Variants in XXYLT1 observed in about 807,000 individuals in gnomAD.
XXYLT1 encodes the protein UDP-xylose:alpha-xyloside alpha-1,3-xylosyltransferase.
In XXYLT1, 20 loss-of-function variants were observed where a neutral mutation model predicts 28.9. The observed-to-expected ratio is 0.69, with a 90% confidence interval of 0.49 to 1.00. The LOEUF (loss-of-function observed/expected upper bound fraction) is 1.00. XXYLT1 is among the 50% of genes least tolerant of loss of function. XXYLT1 has a pLI of 0.00. For missense variants in XXYLT1, 542 were observed against 560.1 expected, an observed-to-expected ratio of 0.97 and a Z score of 0.33; for synonymous variants, 257 against 253.8, an observed-to-expected ratio of 1.01 and a Z score of -0.12.
intron 3 of XXYLT1, among the ~76,000 whole-genome samples, chr3:195,109,456 CGTGT>C (rs1392318010): frequency 2.0e-5 from 3 of 147,190 alleles, no homozygotes; most frequent in African/African-American, 7.6e-5. Flanking sequence ...TATATGTGTG[CGTGT>C]ATGTGGTATA....
At position 195,139,725 on chromosome 3, in the gene XXYLT1, A is replaced by G. The variant is rs549120003; in HGVS notation, c.785+16724T>C. On this transcript the variant is annotated intron_variant, in intron 3 of 3. Coordinates refer to ENST00000310380, the MANE Select transcript of XXYLT1 (RefSeq NM_152531.5). ...CCATGACTGAGGCCAAGCCCACATG[A>G]ATCTCCTAAGTTTATCTTGGGTAAT... is the stretch of plus-strand genomic sequence containing the variant. Among the ~76,000 whole-genome samples the G allele has an allele frequency of 2.8e-4, 42 of 152,318 alleles. 1 individual carries two copies. In the Middle Eastern group the frequency reaches 0.01, roughly 37 times the overall value.
In XXYLT1 at chr3:195,133,686, C is replaced by T. The variant is rs574265729; in HGVS notation, c.785+22763G>A. On this transcript the variant is annotated intron_variant, in intron 3 of 3. Transcript: ENST00000310380. This position sits in a 1 kb window ranked among gnomAD's most constrained non-coding sequence, Gnocchi z 4.4. ...TGCCATGCAGCATTGTATACAGTCA[C>T]GCACCACGTGACGACGTTGCAGTCA... Among the ~76,000 whole-genome samples, 16 of 152,248 alleles carry T rather than the reference C, an allele frequency of 1.1e-4. 1 individual carries two copies. The South Asian group carries it at 2.9e-3, about 28-fold the overall frequency.
intron 2 of XXYLT1, among the ~76,000 whole-genome samples, chr3:195,166,219 G>T (rs1721111782): frequency 6.6e-6 from 1 of 151,230 alleles, no homozygotes; most frequent in Admixed American, 6.6e-5. Flanking sequence ...TTACCAAACT[G>T]CACTTCAGCA....
At chr3:195,110,222 TGTATA>T in intron 3 of XXYLT1, among the ~76,000 whole-genome samples, 2 of 43,098 alleles carry the variant, frequency 4.6e-5, no homozygotes, top group African/African-American at 6.8e-5. Flanking sequence ...GCGTGTGTGG[TGTATA>T]AGTGTGTGGT....
chr3:195,203,115 C>T (rs1386061781), intron 2 of XXYLT1, among the ~76,000 whole-genome samples: 1 of 151,544 alleles, frequency 6.6e-6, no homozygotes, highest in Non-Finnish European at 1.5e-5. Context: ...GCCCACAACA[C>T]AAATTTTTTA....
chr3:195,154,500 T>C (rs576805507), intron 3 of XXYLT1, among the ~76,000 whole-genome samples: 3 of 152,246 alleles, frequency 2.0e-5, no homozygotes, highest in Admixed American at 6.5e-5. Flanking sequence ...GGGGAAATGC[T>C]CTTTAATGAG....
At chr3:195,167,826 C>T (rs1022817104) in intron 2 of XXYLT1, among the ~76,000 whole-genome samples, 13 of 152,156 alleles carry the variant, frequency 8.5e-5, no homozygotes, top group Admixed American at 8.5e-4. Context: ...GGCAGGGGAA[C>T]TGGACAAGGC....
At chr3:195,219,900 C>T (rs1170904992) in intron 2 of XXYLT1, among the ~76,000 whole-genome samples, 1 of 152,198 alleles carries the variant, frequency 6.6e-6, no homozygotes, top group Non-Finnish European at 1.5e-5. Context: ...CACTAGGCTT[C>T]AAGAGATTCG....
At chr3:195,113,909 G>A (rs922643907) in intron 3 of XXYLT1, among the ~76,000 whole-genome samples, 4 of 152,178 alleles carry the variant, frequency 2.6e-5, no homozygotes, top group African/African-American at 9.7e-5. Context: ...GAATGACAGA[G>A]AGGATTTCTC....
chr3:195,208,371 G>A (rs1298380331), intron 2 of XXYLT1, among the ~76,000 whole-genome samples: 1 of 152,100 alleles, frequency 6.6e-6, no homozygotes, highest in Admixed American at 6.5e-5. Flanking sequence ...ATCTGAGAGT[G>A]GCAGTCAGCC....
intron 3 of XXYLT1, among the ~76,000 whole-genome samples, chr3:195,118,144 C>T (rs148741891): frequency 3.9e-5 from 6 of 152,328 alleles, no homozygotes; most frequent in African/African-American, 9.6e-5. Flanking sequence ...GTCCTGCCAC[C>T]GGTGCTGAGC....
chr3:195,119,701 C>A (rs1198796587), intron 3 of XXYLT1, among the ~76,000 whole-genome samples: 5 of 152,152 alleles, frequency 3.3e-5, no homozygotes, highest in African/African-American at 9.7e-5. Flanking sequence ...CCTCACTCCG[C>A]AGAACAATGC....
intron 3 of XXYLT1, among the ~76,000 whole-genome samples, chr3:195,138,221 G>A (rs1300695184): frequency 6.6e-6 from 1 of 152,168 alleles, no homozygotes; most frequent in Non-Finnish European, 1.5e-5. Flanking sequence ...AGTTCCCTCC[G>A]CTTCATGCCA....
In XXYLT1 at chr3:195,150,133, G is replaced by A. The variant is rs931588757; in HGVS notation, c.785+6316C>T. On this transcript the variant is annotated intron_variant, in intron 3 of 3. Transcript: ENST00000310380. The surrounding 1 kb of genome is among the most constrained non-coding windows in gnomAD (Gnocchi z 4.7). Reference sequence around the variant, plus strand: ...ACTTATCAGTGGCCAAGCTGGGACTGTGGATAACGCTGCCACCACCACCCA... The same window carrying A: ...ACTTATCAGTGGCCAAGCTGGGACTATGGATAACGCTGCCACCACCACCCA... 6.6e-6 allele frequency among the ~76,000 whole-genome samples: 1 copy of A among 151,884 alleles called. No individual in the cohort carries two copies. The highest frequency in any genetic ancestry group is 1.5e-5 in the Non-Finnish European group (1 of 68,008).
At position 195,270,308 on chromosome 3, in the gene XXYLT1, G is replaced by C. The variant is rs748758387; in HGVS notation, c.504+247C>G. 43 of 905,854 alleles carry C rather than the reference G, an allele frequency of 4.7e-5. No individual in the cohort carries two copies. In the East Asian group the frequency reaches 1.2e-3, roughly 26 times the overall value. 56.1% of individuals were successfully genotyped at this position (905,854 alleles called of 1,614,324 possible). Reference sequence around the variant, plus strand: ...ACTCTCCTGGGGGCTGCGCTTAACTGGGGGAGAGGAAAACGAGGCGGTCAT... The same window carrying C: ...ACTCTCCTGGGGGCTGCGCTTAACTCGGGGAGAGGAAAACGAGGCGGTCAT... On this transcript the variant is annotated intron_variant, in intron 1 of 3. Transcript: ENST00000310380.
intron 3 of XXYLT1, among the ~76,000 whole-genome samples, chr3:195,090,231 T>C (rs1433572975): frequency 1.3e-5 from 2 of 151,728 alleles, no homozygotes; most frequent in Non-Finnish European, 2.9e-5. Context: ...TACATTTTTT[T>C]CAGCACCACA....
intron 2 of XXYLT1, among the ~76,000 whole-genome samples, chr3:195,203,370 T>C (rs1463738744): frequency 6.6e-6 from 1 of 152,176 alleles, no homozygotes; most frequent in Non-Finnish European, 1.5e-5. Context: ...TAATATTCTA[T>C]AATGATATAT....
intron 1 of XXYLT1, chr3:195,259,650 C>T: frequency 1.0e-6 from 1 of 985,460 alleles, no homozygotes; most frequent in Non-Finnish European, 1.2e-6. Flanking sequence ...GCATCCGAGT[C>T]CCTCCCGCAA....
chr3:195,226,093 A>C (rs947050795), intron 2 of XXYLT1, among the ~76,000 whole-genome samples: 3 of 152,064 alleles, frequency 2.0e-5, no homozygotes, highest in African/African-American at 7.2e-5. Context: ...AACCAGACAC[A>C]CTCTAGGAGT....
Sources: allele counts gnomAD v4.1 joint callset (sites outside exome capture counted in the v4.1 genomes callset), GRCh38; gene constraint gnomAD v4.1.1; non-coding constraint Gnocchi (gnomAD v3.1); transcripts MANE v1.5; gene names NCBI Gene and HGNC (gene_info 2026-07-23, HGNC 2026-07-21).